The following LSG1 variants were observed in gnomAD, a reference collection of about 807,000 sequenced individuals.
LSG1 encodes large subunit GTPase 1 homolog.
Under a neutral mutation model 82.6 loss-of-function variants are expected in LSG1, and 55 were observed. The observed-to-expected ratio is 0.67, with a 90% CI of 0.54 to 0.83. The LOEUF is 0.83. Ranked by LOEUF, LSG1 falls within the 40% of genes least tolerant of loss-of-function variation. The pLI is 0.00. For missense variants in LSG1, 809 were observed against 807.9 expected (o/e 1.00, Z -0.02); for synonymous variants, 272 against 282.5 (o/e 0.96, Z 0.37).
intron 7 of LSG1, among the ~76,000 whole-genome samples, chr3:194,654,264 G>A (rs1412962809): frequency 6.6e-6 from 1 of 152,182 alleles, no homozygotes; most frequent in Non-Finnish European, 1.5e-5. Flanking sequence ...CCTTTGGAAA[G>A]TGAAAGGTAC....
In LSG1 at chr3:194,672,184, A is replaced by C. The variant is rs767522977; in HGVS notation, c.-22T>G. ...CCATGGCAACACGACCGCTGGACGA[A>C]GCTTCCCGGCTCGGCGCGTGCAGTT... On this transcript the variant is annotated 5_prime_UTR_variant, in exon 1 of 14. Transcript: ENST00000265245. The C allele has an allele frequency of 6.4e-7, 1 of 1,561,576 alleles. No homozygotes were observed. The highest frequency in any genetic ancestry group is 8.7e-7 in the Non-Finnish European group (1 of 1,146,408).
At chr3:194,650,792 T>A in intron 10 of LSG1, 89 bp downstream of exon 10, 2 of 1,355,522 alleles carry the variant, frequency 1.5e-6, no homozygotes, top group Non-Finnish European at 2.0e-6. Flanking sequence ...CAATTCTTCA[T>A]CAAATCTGAA....
Position 194,641,872 on chromosome 3 carries a change from T to C in LSG1, c.*196A>G. On this transcript the variant is annotated 3_prime_UTR_variant, in exon 14 of 14. Transcript: ENST00000265245. ...GGAGTAGGATTCTCGGGCTCCCAGA[T>C]GACTCCTTTTTGTCAGAGTTGGTGT... 1 of 513,610 alleles carries C rather than the reference T, an allele frequency of 1.9e-6. No homozygotes were observed. The highest frequency in any genetic ancestry group is 3.4e-6 in the Non-Finnish European group (1 of 294,858). The allele number at this position is 513,610 out of a possible 1,614,324, so 31.8% of individuals were successfully genotyped here.
chr3:194,668,822 T>C (rs1449753229), intron 2 of LSG1, among the ~76,000 whole-genome samples: 6 of 152,138 alleles, frequency 3.9e-5, no homozygotes, highest in Non-Finnish European at 8.8e-5. Flanking sequence ...AACGTATGAA[T>C]GGATAAAGAA....
Position 194,644,736 on chromosome 3 carries a change from A to C in LSG1, c.1634T>G (p.Leu545Arg). 6.2e-7 allele frequency: 1 copy of C among 1,604,982 alleles called. No homozygotes were observed. Among genetic ancestry groups the C allele is most frequent in the South Asian group, 1.1e-5 (1 of 89,316 alleles). ...ILKDYVSGKL[L>R]YCHPPPGRDP... The stretch of plus-strand genomic sequence containing the variant: ...TCTTCCAGGAGGAGGATGGCAGTAC[A>C]GCAGCTTACCCTACAAAGACAACAT... The change falls in exon 13 of 14, where the codon CTG becomes CGG. Residue 545 changes from leucine to arginine, a missense_variant. Leu to Arg is a moderately radical substitution (Grantham distance 102). Transcript: ENST00000265245.
At chr3:194,644,777 A>G in intron 12 of LSG1, 31 bp from the exon 13 acceptor site, 1 of 1,561,088 alleles carries the variant, frequency 6.4e-7, no homozygotes, top group Non-Finnish European at 8.7e-7. Flanking sequence ...ACAACAGTGC[A>G]GCCTAAGTGC....
chr3:194,645,571 GACAGACACACACACACACAC>G (rs1407145727), intron 12 of LSG1, among the ~76,000 whole-genome samples: 2,153 of 41,326 alleles, frequency 0.052, 170 homozygotes, highest in Non-Finnish European at 0.062. Context: ...CACACACACA[GACAGACACACACACACACAC>G]ACACACACAC....
At chr3:194,645,511 CACACACACACACACACACAGACAG>C (rs1370807937) in intron 12 of LSG1, 12 of 43,218 alleles carry the variant, frequency 2.8e-4, no homozygotes, top group East Asian at 8.0e-4. Context: ...CACACACACA[CACACACACACACACACACAGACAG>C]ACACACACAC....
rs1718529797 is a variant in LSG1 at position 194,645,585 on chromosome 3, C to CACACACACACAGACAG, written c.1623+578_1623+579insCTGTCTGTGTGTGTGT. On this transcript the variant is annotated intron_variant, in intron 12 of 13. Transcript: ENST00000265245. ...ACACACACACAGACAGACACACACACACACACACACACACACACACACACA... is the reference window on the plus strand; with the variant it reads ...ACACACACACAGACAGACACACACACACACACACACAGACAGACACACACACACACACACACACACA... Among the ~76,000 whole-genome samples the CACACACACACAGACAG allele has an allele frequency of 5.4e-5, 4 of 74,724 alleles. No homozygotes were observed. The East Asian group carries it at 1.1e-3, about 21-fold the overall frequency. The allele number at this position is 74,724 out of a possible 152,430, so 49.0% of individuals were successfully genotyped here. A position where few individuals can be genotyped will look rare whatever the true frequency, so the allele number is the denominator to read the frequency against.
At chr3:194,643,345 T>G (rs1675521933) in intron 13 of LSG1, among the ~76,000 whole-genome samples, 1 of 152,192 alleles carries the variant, frequency 6.6e-6, no homozygotes, top group African/African-American at 2.4e-5. Context: ...AAATCATAAA[T>G]CTGATATGGG....
At chr3:194,656,299 T>A in intron 7 of LSG1, among the ~76,000 whole-genome samples, 1 of 95,452 alleles carries the variant, frequency 1.0e-5, no homozygotes. Flanking sequence ...TCCAACAAAT[T>A]TACAAGAAAA....
chr3:194,641,900 C>G lies in LSG1; in HGVS notation c.*168G>C. 1 of 622,954 alleles carries G rather than the reference C, an allele frequency of 1.6e-6. No individual in the cohort carries two copies. The highest frequency in any genetic ancestry group is 2.6e-6 in the Non-Finnish European group (1 of 379,944). The allele number at this position is 622,954 out of a possible 1,614,324, so 38.6% of individuals were successfully genotyped here. On this transcript the variant is annotated 3_prime_UTR_variant, in exon 14 of 14. Transcript: ENST00000265245. ...CTCCTTTTTGTCAGAGTTGGTGTTT[C>G]CAGGAGGCCCTTGGTCTTGACATGG...
Position 194,641,774 on chromosome 3 carries a change from T to C in LSG1, c.*294A>G, listed in dbSNP as rs138674253. 304 of 228,130 alleles carry C rather than the reference T, an allele frequency of 1.3e-3. 1 individual carries two copies. Among genetic ancestry groups the C allele is most frequent in the East Asian group, 4.7e-3 (51 of 10,850 alleles). 14.1% of individuals were successfully genotyped at this position (228,130 alleles called of 1,614,324 possible). ...GATTACAGGTGCGCGCCACCACGCC[T>C]GGCTAATTTTTTTGTATTTTTAGTA... On this transcript the variant is annotated 3_prime_UTR_variant, in exon 14 of 14. Coordinates refer to ENST00000265245, the MANE Select transcript of LSG1 (RefSeq NM_018385.3).
Position 194,642,067 on chromosome 3 carries a change from CTCA to C in LSG1, c.1975_1977del (p.Ter659delextTer32). Reference sequence around the variant, plus strand: ...GATGACATTTCTGTTGCAGCCCAACCTCACATATCCAGGTGCTTGTAGAGTCTA... The same window carrying C: ...GATGACATTTCTGTTGCAGCCCAACCCATATCCAGGTGCTTGTAGAGTCTA... On this transcript the variant is annotated stop_lost and inframe_deletion, in exon 14 of 14. Coordinates refer to ENST00000265245, the MANE Select transcript of LSG1 (RefSeq NM_018385.3). 6.2e-7 allele frequency: 1 copy of C among 1,611,714 alleles called. No individual in the cohort carries two copies. The highest frequency in any genetic ancestry group is 1.3e-5 in the African/African-American group (1 of 74,858).
At chr3:194,646,850 C>T (rs1398979310) in intron 11 of LSG1, among the ~76,000 whole-genome samples, 1 of 152,190 alleles carries the variant, frequency 6.6e-6, no homozygotes, top group African/African-American at 2.4e-5. Context: ...TTCATGGAGG[C>T]TACCTGTAGG....
chr3:194,641,932 T>G lies in LSG1; in HGVS notation c.*136A>C. On this transcript the variant is annotated 3_prime_UTR_variant, in exon 14 of 14. Coordinates refer to ENST00000265245, the MANE Select transcript of LSG1 (RefSeq NM_018385.3). Reference sequence around the variant, plus strand: ...GCCCTTGGTCTTGACATGGAGACTGTTGGGTGCAGCCGTGCTCTGCAAGAG... The same window carrying G: ...GCCCTTGGTCTTGACATGGAGACTGGTGGGTGCAGCCGTGCTCTGCAAGAG... 1 of 888,884 alleles carries G rather than the reference T, an allele frequency of 1.1e-6. No individual in the cohort carries two copies. Among genetic ancestry groups the G allele is most frequent in the Non-Finnish European group, 1.7e-6 (1 of 586,400 alleles). 55.1% of individuals were successfully genotyped at this position (888,884 alleles called of 1,614,324 possible). A position where few individuals can be genotyped will look rare whatever the true frequency, so the allele number is the denominator to read the frequency against.
In LSG1 at chr3:194,641,492, C is replaced by T. The variant is rs1304792988; in HGVS notation, c.*576G>A. The T allele has an allele frequency of 3.3e-5, 5 of 152,354 alleles. 1 individual carries two copies. Among genetic ancestry groups the T allele is most frequent in the South Asian group, 4.1e-4 (2 of 4,824 alleles). 9.4% of individuals were successfully genotyped at this position (152,354 alleles called of 1,614,324 possible). A position where few individuals can be genotyped will look rare whatever the true frequency, so the allele number is the denominator to read the frequency against. ...CTACATGTTCCTTAGTGGACGTGAG[C>T]CCCCGCTGTACACTAACTGAACCCA... On this transcript the variant is annotated 3_prime_UTR_variant, in exon 14 of 14. Transcript: ENST00000265245.
Position 194,648,751 on chromosome 3 carries a change from G to A in LSG1, c.1473C>T (p.Ile491=), listed in dbSNP as rs1291900156. The A allele has an allele frequency of 6.2e-7, 1 of 1,613,754 alleles. No individual in the cohort carries two copies. The highest frequency in any genetic ancestry group is 8.5e-7 in the Non-Finnish European group (1 of 1,179,692). Residue 491 remains isoleucine (I), a synonymous_variant, in exon 11 of 14, where the codon ATC becomes ATT. Coordinates refer to ENST00000265245, the MANE Select transcript of LSG1 (RefSeq NM_018385.3). ...GATCTTCATCCTCTCTAGGCGTTATGATGTTAATGCCATAGGTAGCTTCTA... is the reference window on the plus strand; with the variant it reads ...GATCTTCATCCTCTCTAGGCGTTATAATGTTAATGCCATAGGTAGCTTCTA... ...HVLEATYGIN[I]ITPREDEDPH...
intron 6 of LSG1, among the ~76,000 whole-genome samples, chr3:194,659,395 C>A (rs1252124507): frequency 6.6e-6 from 1 of 152,100 alleles, no homozygotes; most frequent in Non-Finnish European, 1.5e-5. Context: ...GTAATTCCAG[C>A]ACTTTGGGAG....
Sources: allele counts gnomAD v4.1 joint callset (sites outside exome capture counted in the v4.1 genomes callset), GRCh38; gene constraint gnomAD v4.1.1; transcripts MANE v1.5; gene names NCBI Gene and HGNC (gene_info 2026-07-23, HGNC 2026-07-21).